Variants in DOCK3 observed in about 807,000 individuals in gnomAD.
DOCK3 encodes the protein dedicator of cytokinesis 3.
A neutral mutation model predicts 265.6 loss-of-function variants in DOCK3; 60 were observed. The observed-to-expected ratio is 0.23, with a 90% CI of 0.18 to 0.28. DOCK3 has a LOEUF of 0.28. DOCK3 is among the 10% of genes least tolerant of loss of function. DOCK3 has a pLI of 1.00. For missense variants in DOCK3, 1,981 were observed against 2,594.3 expected (o/e 0.76, Z 5.14); for synonymous variants, 881 against 938.0 (o/e 0.94, Z 1.11).
chr3:51,121,863 C>G (rs1031542611), intron 9 of DOCK3, among the ~76,000 whole-genome samples: 9 of 152,288 alleles, frequency 5.9e-5, no homozygotes, highest in Admixed American at 1.3e-4. Context: ...AAATCCCTGT[C>G]TGTGTCCTGC....
intron 7 of DOCK3, among the ~76,000 whole-genome samples, chr3:51,085,036 A>G (rs1398944655): frequency 3.9e-5 from 6 of 152,232 alleles, no homozygotes; most frequent in Admixed American, 3.3e-4. Flanking sequence ...AGCTATACTT[A>G]TATCAGAGAA....
At chr3:51,092,748 C>T (rs1324409982) in intron 9 of DOCK3, among the ~76,000 whole-genome samples, 2 of 152,216 alleles carry the variant, frequency 1.3e-5, no homozygotes, top group Non-Finnish European at 2.9e-5. Flanking sequence ...CCTACAGACA[C>T]CTTATACAAG....
At chr3:51,183,380 T>C (rs545846054) in intron 12 of DOCK3, among the ~76,000 whole-genome samples, 1 of 152,160 alleles carries the variant, frequency 6.6e-6, no homozygotes, top group South Asian at 2.1e-4. Flanking sequence ...TTTTACTCAT[T>C]CTCATCAAGA....
At chr3:51,336,864 A>G in intron 35 of DOCK3, 1 of 456,208 alleles carries the variant, frequency 2.2e-6, no homozygotes, top group Non-Finnish European at 4.4e-6. Context: ...TATAGAAAAT[A>G]CAAATCACTA....
chr3:50,927,825 G>A (rs1456675135), intron 4 of DOCK3, among the ~76,000 whole-genome samples: 1 of 152,058 alleles, frequency 6.6e-6, no homozygotes, highest in Admixed American at 6.6e-5. Context: ...TCTGCCTAGG[G>A]GAAGGGGATT....
At chr3:51,140,134 A>T (rs939110413) in intron 9 of DOCK3, among the ~76,000 whole-genome samples, 4 of 152,348 alleles carry the variant, frequency 2.6e-5, no homozygotes, top group East Asian at 1.9e-4. Flanking sequence ...GAGTTTACCC[A>T]TTCAAAGGGT....
At chr3:50,905,670 A>G (rs1261060242) in intron 4 of DOCK3, among the ~76,000 whole-genome samples, 1 of 151,898 alleles carries the variant, frequency 6.6e-6, no homozygotes, top group South Asian at 2.1e-4. Flanking sequence ...GGGCTGAGAC[A>G]ATGGGGTTTT....
chr3:50,784,975 G>A (rs1385835542), intron 2 of DOCK3, among the ~76,000 whole-genome samples: 1 of 152,154 alleles, frequency 6.6e-6, no homozygotes, highest in Non-Finnish European at 1.5e-5. Context: ...TGGCTAACAT[G>A]GTGAAACGCT....
At chr3:51,345,668 A>G (rs374608717) in intron 38 of DOCK3, among the ~76,000 whole-genome samples, 115 of 152,146 alleles carry the variant, frequency 7.6e-4, no homozygotes, top group East Asian at 4.0e-3. Context: ...CACACACACA[A>G]CAACAACAAA....
At chr3:50,976,498 G>T (rs1181949488) in intron 5 of DOCK3, among the ~76,000 whole-genome samples, 6 of 73,292 alleles carry the variant, frequency 8.2e-5, no homozygotes, top group African/African-American at 1.5e-4. Context: ...TTGCACTGTG[G>T]TCTGAGAGAA....
intron 40 of DOCK3, among the ~76,000 whole-genome samples, chr3:51,353,475 G>T (rs910247276): frequency 6.6e-6 from 1 of 152,172 alleles, no homozygotes; most frequent in African/African-American, 2.4e-5. Flanking sequence ...AGCCAGGCAT[G>T]GTGCCAGATA....
Position 51,229,492 on chromosome 3 carries a change from CT to C in DOCK3, c.1820-16del. The C allele has an allele frequency of 1.3e-6, 2 of 1,537,272 alleles. No individual in the cohort carries two copies. The highest frequency in any genetic ancestry group is 1.8e-6 in the Non-Finnish European group (2 of 1,139,122). On this transcript the variant is annotated intron_variant, in intron 18 of 52. Coordinates refer to ENST00000266037, the MANE Select transcript of DOCK3 (RefSeq NM_004947.5). ...TATCCAGGTTTCAAGGGTTCCTCAT[CT>C]TTTGGGCTTGCTTTCTAGTGGACCT...
chr3:51,019,058 G>A (rs1352797388), intron 5 of DOCK3, among the ~76,000 whole-genome samples: 2 of 151,776 alleles, frequency 1.3e-5, no homozygotes, highest in African/African-American at 4.9e-5. Flanking sequence ...TCCTTTTCTT[G>A]TAGAGATGGG....
chr3:50,796,075 C>T (rs1477959619), intron 2 of DOCK3, among the ~76,000 whole-genome samples: 1 of 151,172 alleles, frequency 6.6e-6, no homozygotes, highest in African/African-American at 2.4e-5. Flanking sequence ...GAGTCTGGCT[C>T]TGTCCCCCAG....
chr3:51,164,410 C>G (rs1339620455), intron 12 of DOCK3, among the ~76,000 whole-genome samples: 1 of 152,036 alleles, frequency 6.6e-6, no homozygotes, highest in Non-Finnish European at 1.5e-5. Flanking sequence ...ATCATGAGGT[C>G]AGGAGATTGA....
chr3:51,061,415 A>G (rs1195827580), intron 5 of DOCK3, among the ~76,000 whole-genome samples: 1 of 152,172 alleles, frequency 6.6e-6, no homozygotes, highest in Admixed American at 6.5e-5. Flanking sequence ...CTTTGTAGGG[A>G]CATGGATGAA....
intron 33 of DOCK3, among the ~76,000 whole-genome samples, chr3:51,331,304 A>G (rs943753672): frequency 1.3e-5 from 2 of 152,238 alleles, no homozygotes; most frequent in African/African-American, 4.8e-5. Flanking sequence ...ACAATTTGTG[A>G]AAATGAATCC....
At chr3:50,739,822 C>G (rs908737325) in intron 1 of DOCK3, among the ~76,000 whole-genome samples, 3 of 152,038 alleles carry the variant, frequency 2.0e-5, no homozygotes, top group East Asian at 3.9e-4. Flanking sequence ...GCAACTATAC[C>G]TGTTGGATAT....
intron 12 of DOCK3, among the ~76,000 whole-genome samples, chr3:51,199,161 C>T (rs1443878960): frequency 2.0e-5 from 3 of 152,198 alleles, no homozygotes; most frequent in African/African-American, 4.8e-5. Context: ...GGGTTCATCT[C>T]ACTAGGGAGT....
Sources: allele counts gnomAD v4.1 joint callset (sites outside exome capture counted in the v4.1 genomes callset), GRCh38; gene constraint gnomAD v4.1.1; transcripts MANE v1.5; gene names NCBI Gene and HGNC (gene_info 2026-07-23, HGNC 2026-07-21).